RAI1: variants seen among roughly 807,000 people sequenced by gnomAD.
RAI1 encodes the protein retinoic acid induced 1.
A neutral mutation model predicts 123.8 loss-of-function variants in RAI1; 9 were observed. The observed-to-expected ratio is 0.07, with a 90% CI of 0.04 to 0.13. The LOEUF (loss-of-function observed/expected upper bound fraction) is 0.13, where lower values mean the gene tolerates loss of function less well. RAI1 is among the 10% of genes least tolerant of loss of function. The pLI, the probability that RAI1 is intolerant of heterozygous loss-of-function variation, is 1.00. For missense variants in RAI1, 2,256 were observed against 2,545.8 expected (o/e 0.89, Z 2.45); for synonymous variants, 1,231 against 1,127.3 (o/e 1.09, Z -1.84).
chr17:17,718,118 A>G (rs957005455), intron 1 of RAI1, among the ~76,000 whole-genome samples: 1 of 150,518 alleles, frequency 6.6e-6, no homozygotes, highest in African/African-American at 2.5e-5. Context: ...ACTGAGATGT[A>G]CTCCCTCTCC....
intron 2 of RAI1, among the ~76,000 whole-genome samples, chr17:17,771,041 G>A (rs2031138160): frequency 6.6e-6 from 1 of 152,096 alleles, no homozygotes; most frequent in Non-Finnish European, 1.5e-5. Context: ...GGCTTCAGGG[G>A]GATCTTTGGA....
At chr17:17,726,530 T>C (rs772878835) in intron 2 of RAI1, among the ~76,000 whole-genome samples, 3 of 152,260 alleles carry the variant, frequency 2.0e-5, no homozygotes, top group Non-Finnish European at 4.4e-5. Flanking sequence ...TTTTTCTTCC[T>C]ATCTTCCTTA....
chr17:17,780,010 C>T (rs568713732), intron 2 of RAI1, among the ~76,000 whole-genome samples: 2 of 150,686 alleles, frequency 1.3e-5, no homozygotes, highest in African/African-American at 4.9e-5. Context: ...CTCCTGACCT[C>T]ATGATCCGCC....
intron 2 of RAI1, among the ~76,000 whole-genome samples, chr17:17,753,021 T>G (rs1039726438): frequency 5.9e-5 from 9 of 152,184 alleles, no homozygotes; most frequent in African/African-American, 1.9e-4. Flanking sequence ...GGCCCGGGAC[T>G]TGGGAGGAAG....
At chr17:17,684,773 A>G (rs1243235017) in intron 1 of RAI1, 2 of 151,248 alleles carry the variant, frequency 1.3e-5, no homozygotes, top group African/African-American at 4.9e-5. Flanking sequence ...AAGTGAGGAC[A>G]TACTGTGGGC....
chr17:17,723,009 C>T (rs1915936860), intron 1 of RAI1, among the ~76,000 whole-genome samples: 2 of 152,170 alleles, frequency 1.3e-5, no homozygotes, highest in Non-Finnish European at 2.9e-5. Flanking sequence ...CACACGCAAC[C>T]GCCTGCAGAT....
rs988568816 is a variant in RAI1, at chr17:17,809,630, GC to G, written c.5709+192del. On this transcript the variant is annotated intron_variant, in intron 5 of 5. Transcript: ENST00000353383. The surrounding 1 kb of genome is among the most constrained non-coding windows in gnomAD (Gnocchi z 4.9). ...GTCCAGCTCAGGTCCCTGTCCACTT[GC>G]GCGCCGCCGCCGCCGAAAACCCGCA... is the stretch of plus-strand genomic sequence containing the variant. Among the ~76,000 whole-genome samples, 1 of 152,032 alleles carries G rather than the reference GC, an allele frequency of 6.6e-6. No individual in the cohort carries two copies. The highest frequency in any genetic ancestry group is 2.4e-5 in the African/African-American group (1 of 41,404).
chr17:17,754,796 G>T (rs1241834129), intron 2 of RAI1, among the ~76,000 whole-genome samples: 1 of 152,234 alleles, frequency 6.6e-6, no homozygotes, highest in Non-Finnish European at 1.5e-5. Flanking sequence ...TAGGGCAAGG[G>T]TGCAAGGCCC....
chr17:17,726,853 G>A (rs951223875), intron 2 of RAI1, among the ~76,000 whole-genome samples: 3 of 152,070 alleles, frequency 2.0e-5, no homozygotes, highest in African/African-American at 4.8e-5. Flanking sequence ...AGACTTTGTC[G>A]TCATTCTCTA....
chr17:17,746,305 C>G (rs551135450), intron 2 of RAI1, among the ~76,000 whole-genome samples: 1 of 152,234 alleles, frequency 6.6e-6, no homozygotes. Flanking sequence ...GCTTCCGTGC[C>G]GCAGCCCATC....
intron 3 of RAI1, among the ~76,000 whole-genome samples, chr17:17,803,374 T>A (rs1302087809): frequency 1.3e-5 from 2 of 151,196 alleles, no homozygotes; most frequent in South Asian, 4.2e-4. Context: ...CTGTACAGGT[T>A]TTTTGTGTTT....
At chr17:17,762,592 T>C (rs963874108) in intron 2 of RAI1, among the ~76,000 whole-genome samples, 45 of 152,224 alleles carry the variant, frequency 3.0e-4, no homozygotes, top group Non-Finnish European at 6.0e-4. Flanking sequence ...TCTCTGGGCT[T>C]CCAGAGTCTG....
At position 17,793,176 on chromosome 17, in the gene RAI1, C is replaced by G. The variant is rs764464100; in HGVS notation, c.228C>G (p.Asp76Glu). 10 of 1,613,090 alleles carry G rather than the reference C, an allele frequency of 6.2e-6. 1 individual carries two copies. In the South Asian group the frequency reaches 1.1e-4, roughly 18 times the overall value. Reference protein sequence around the residue: ...PSGTAAAVAADKYHRGSKALP... With the variant: ...PSGTAAAVAAEKYHRGSKALP... ...GCACTGCAGCCGCGGTGGCCGCCGA[C>G]AAGTACCACCGAGGCAGCAAGGCCC... The change falls in exon 3 of 6, where the codon GAC becomes GAG. Residue 76 changes from aspartate to glutamate, a missense_variant. By Grantham distance (45) the Asp-to-Glu change is conservative. This residue lies in a region of RAI1 where 336 missense variants were observed against 349.8 expected (regional missense o/e 0.96). Coordinates refer to ENST00000353383, the MANE Select transcript of RAI1 (RefSeq NM_030665.4).
Position 17,794,107 on chromosome 17 carries a change from A to G in RAI1, c.1159A>G (p.Thr387Ala). 1 of 1,614,064 alleles carries G rather than the reference A, an allele frequency of 6.2e-7. No homozygotes were observed. The part of the protein sequence containing the change: ...LSTGAFPAGI[T>A]DHSHFMPLLN... ...CACCGGGGCCTTCCCCGCAGGGATCACTGACCACAGCCACTTCATGCCCCT... is the reference window on the plus strand; with the variant it reads ...CACCGGGGCCTTCCCCGCAGGGATCGCTGACCACAGCCACTTCATGCCCCT... The change falls in exon 3 of 6, where the codon ACT becomes GCT. Residue 387 changes from threonine to alanine, a missense_variant. Thr to Ala is a moderately conservative substitution (Grantham distance 58). This residue lies in a region of RAI1 where 357 missense variants were observed against 480.2 expected (regional missense o/e 0.74). Coordinates refer to ENST00000353383, the MANE Select transcript of RAI1 (RefSeq NM_030665.4).
At chr17:17,702,170 G>A (rs905582729) in intron 1 of RAI1, among the ~76,000 whole-genome samples, 5 of 152,174 alleles carry the variant, frequency 3.3e-5, no homozygotes, top group African/African-American at 1.2e-4. Context: ...GACATGAGGG[G>A]AGAGGGAGTA....
At position 17,793,173 on chromosome 17, in the gene RAI1, C is replaced by T. The variant is rs144981212; in HGVS notation, c.225C>T (p.Ala75=). The change falls in exon 3 of 6, where the codon GCC becomes GCT. Residue 75 remains alanine (A), a synonymous_variant. Coordinates refer to ENST00000353383, the MANE Select transcript of RAI1 (RefSeq NM_030665.4). ...CTGGCACTGCAGCCGCGGTGGCCGC[C>T]GACAAGTACCACCGAGGCAGCAAGG... ...TPSGTAAAVA[A]DKYHRGSKAL... 13 of 1,613,110 alleles carry T rather than the reference C, an allele frequency of 8.1e-6. No homozygotes were observed. The highest frequency in any genetic ancestry group is 4.5e-5 in the East Asian group (2 of 44,862).
chr17:17,804,996 G>A (rs981967659), intron 4 of RAI1, among the ~76,000 whole-genome samples: 27 of 152,116 alleles, frequency 1.8e-4, no homozygotes, highest in African/African-American at 6.3e-4. Context: ...TCAAGTAGCT[G>A]GGACTACAGG....
chr17:17,808,236 C>G (rs756258091), intron 4 of RAI1, among the ~76,000 whole-genome samples: 16 of 152,012 alleles, frequency 1.1e-4, no homozygotes, highest in Non-Finnish European at 1.9e-4. Flanking sequence ...TGGAGACTCC[C>G]TGAGATAGCA....
chr17:17,795,817 G>A lies in RAI1; in HGVS notation c.2869G>A (p.Asp957Asn). Residue 957 changes from aspartate to asparagine, a missense_variant, in exon 3 of 6, where the codon GAT becomes AAT. Around this residue, in one of 7 missense-constraint regions of RAI1, gnomAD observed 566 missense variants for 616.0 expected, o/e 0.92. Transcript: ENST00000353383. The surrounding 1 kb of genome is among the most constrained non-coding windows in gnomAD (Gnocchi z 5.9). Reference protein sequence around the residue: ...SHMKPGEEGPDGERAPGDSTT... With the variant: ...SHMKPGEEGPNGERAPGDSTT... ...CATGAAGCCAGGTGAAGAGGGGCCT[G>A]ATGGGGAGCGAGCTCCAGGGGATTC... 1 of 1,613,584 alleles carries A rather than the reference G, an allele frequency of 6.2e-7. No individual in the cohort carries two copies. The highest frequency in any genetic ancestry group is 1.6e-4 in the Middle Eastern group (1 of 6,062).
Sources: allele counts gnomAD v4.1 joint callset (sites outside exome capture counted in the v4.1 genomes callset), GRCh38; gene constraint gnomAD v4.1.1; regional missense constraint gnomAD v4.1.1; non-coding constraint Gnocchi (gnomAD v3.1); transcripts MANE v1.5; gene names NCBI Gene and HGNC (gene_info 2026-07-23, HGNC 2026-07-21).